The following CYRIB variants were observed in gnomAD, a reference collection of about 807,000 sequenced individuals.
The protein encoded by CYRIB is CYFIP related Rac1 interactor B.
Under a neutral mutation model 44.2 loss-of-function variants are expected in CYRIB, and 8 were observed. That is an observed-to-expected ratio of 0.18 (90% CI 0.11 to 0.33). The LOEUF (loss-of-function observed/expected upper bound fraction) is 0.33. CYRIB is among the 10% of genes least tolerant of loss of function. The pLI is 1.00. For synonymous variants in CYRIB, 131 were observed against 127.2 expected, an observed-to-expected ratio of 1.03 and a Z score of -0.20; for missense variants, 185 against 382.8, an observed-to-expected ratio of 0.48 and a Z score of 4.31.
intron 2 of CYRIB, among the ~76,000 whole-genome samples, chr8:129,897,700 G>A (rs959459508): frequency 6.6e-6 from 1 of 151,238 alleles, no homozygotes; most frequent in Non-Finnish European, 1.5e-5. Flanking sequence ...TTTGGGAGGT[G>A]GAGGTGGGAG....
intron 5 of CYRIB, 52 bp from the exon 8 acceptor site, chr8:129,855,799 T>G: frequency 1.3e-6 from 2 of 1,510,966 alleles, no homozygotes; most frequent in South Asian, 1.2e-5. Flanking sequence ...TGTGTGATAT[T>G]TGTTTATTAA....
rs2040404583 is a variant in CYRIB at position 129,846,949 on chromosome 8, A to G, written c.841-75T>C. On this transcript the variant is annotated intron_variant, in intron 10 of 11. Coordinates refer to ENST00000519824, the Ensembl canonical transcript of CYRIB. ...ACATTCCTTTTCAAAATAGTAAAATAAATCAAGACCATAACTATGGAACTC... is the reference window on the plus strand; with the variant it reads ...ACATTCCTTTTCAAAATAGTAAAATGAATCAAGACCATAACTATGGAACTC... 1.4e-5 allele frequency: 11 copies of G among 809,288 alleles called. No individual in the cohort carries two copies. In the South Asian group the frequency reaches 1.8e-4, roughly 14 times the overall value. The allele number at this position is 809,288 out of a possible 1,614,324, so 50.1% of individuals were successfully genotyped here. A position where few individuals can be genotyped will look rare whatever the true frequency, so the allele number is the denominator to read the frequency against.
intron 1 of CYRIB, among the ~76,000 whole-genome samples, chr8:130,002,120 G>T (rs532295887): frequency 6.6e-6 from 1 of 152,196 alleles, no homozygotes; most frequent in South Asian, 2.1e-4. Flanking sequence ...CTAAACTTTG[G>T]TTTTCTCTGT....
intron 2 of CYRIB, among the ~76,000 whole-genome samples, chr8:129,969,239 C>T (rs533132799): frequency 2.0e-3 from 306 of 152,272 alleles, no homozygotes; most frequent in Non-Finnish European, 3.4e-3. Context: ...GTCTGGAACT[C>T]CTGACCTCAA....
chr8:130,016,220 C>G (rs1298110344), intron 1 of CYRIB, 150 bp downstream of exon 1: 1 of 147,232 alleles, frequency 6.8e-6, no homozygotes, highest in Non-Finnish European at 1.5e-5. Context: ...CCGCAGCGCC[C>G]GGCCCGGCGG....
rs994697259 is a variant in CYRIB at position 129,991,971 on chromosome 8, A to AAAAAAAAAAAGAGAGAG, written c.-295-20977_-295-20976insCTCTCTCTTTTTTTTTT. On this transcript the variant is annotated intron_variant, in intron 1 of 14. Coordinates refer to the CYRIB transcript ENST00000401979. ...AAAAAAAAAAAAAAAAAAAAAAAAA[A>AAAAAAAAAAAGAGAGAG]ACAATAGGAAGCTATTAAGGGTTTT... 8.8e-4 allele frequency among the ~76,000 whole-genome samples: 119 copies of AAAAAAAAAAAGAGAGAG among 134,686 alleles called. 4 individuals are homozygous for AAAAAAAAAAAGAGAGAG. The highest frequency in any genetic ancestry group is 1.6e-3 in the Non-Finnish European group (96 of 61,334). 88.4% of individuals were successfully genotyped at this position (134,686 alleles called of 152,430 possible). A position where few individuals can be genotyped will look rare whatever the true frequency, so the allele number is the denominator to read the frequency against.
At chr8:129,933,453 G>T (rs1002277538) in intron 1 of CYRIB, among the ~76,000 whole-genome samples, 4 of 152,170 alleles carry the variant, frequency 2.6e-5, no homozygotes, top group African/African-American at 7.2e-5. Flanking sequence ...CTGTCAGGCA[G>T]ACACCCAGAT....
intron 1 of CYRIB, among the ~76,000 whole-genome samples, chr8:129,924,314 G>A (rs2929843): frequency 0.14 from 4,823 of 34,620 alleles, 1,137 homozygotes; most frequent in African/African-American, 0.37. Flanking sequence ...GGTGGCGGGG[G>A]GGGTGTTACT....
chr8:129,890,020 C>T (rs951629468), intron 2 of CYRIB, among the ~76,000 whole-genome samples: 23 of 152,244 alleles, frequency 1.5e-4, no homozygotes, highest in African/African-American at 5.5e-4. Context: ...GCAATCCACC[C>T]ACCTCGGACT....
At chr8:129,855,224 C>T (rs1172651970) in intron 6 of CYRIB, among the ~76,000 whole-genome samples, 1 of 152,016 alleles carries the variant, frequency 6.6e-6, no homozygotes, top group Admixed American at 6.6e-5. Context: ...AACCCCGTCT[C>T]TACTAAAAAT....
At chr8:129,939,260 G>A (rs1209414359) in intron 1 of CYRIB, among the ~76,000 whole-genome samples, 1 of 151,190 alleles carries the variant, frequency 6.6e-6, no homozygotes, top group Non-Finnish European at 1.5e-5. Context: ...GGACAACGCC[G>A]ACACGGGAAG....
At chr8:129,947,743 A>G (rs958210999) in intron 2 of CYRIB, 2 of 152,220 alleles carry the variant, frequency 1.3e-5, no homozygotes, top group African/African-American at 2.4e-5. Flanking sequence ...TTTCCTGTCT[A>G]TATCTATATA....
At chr8:129,948,141 C>G (rs986841167) in intron 2 of CYRIB, among the ~76,000 whole-genome samples, 7 of 152,200 alleles carry the variant, frequency 4.6e-5, no homozygotes, top group African/African-American at 7.2e-5. Flanking sequence ...GCCGGAAAAG[C>G]TGATGTATGA....
chr8:129,914,092 G>A (rs2079487396), intron 1 of CYRIB, among the ~76,000 whole-genome samples: 1 of 152,164 alleles, frequency 6.6e-6, no homozygotes, highest in Admixed American at 6.5e-5. Flanking sequence ...ACAGGCTGCA[G>A]AGCAGTAGCT....
intron 4 of CYRIB, among the ~76,000 whole-genome samples, chr8:129,863,604 TA>T (rs1422117593): frequency 6.6e-6 from 1 of 152,076 alleles, no homozygotes; most frequent in Non-Finnish European, 1.5e-5. Context: ...TATCCTATTC[TA>T]GATAATAACT....
chr8:129,849,103 G>T, intron 10 of CYRIB, 140 bp downstream of exon 12: 1 of 685,086 alleles, frequency 1.5e-6, no homozygotes, highest in Non-Finnish European at 2.3e-6. Context: ...AGGGACAGAG[G>T]AGATGAAAGT....
intron 4 of CYRIB, among the ~76,000 whole-genome samples, chr8:129,864,026 G>C (rs546820053): frequency 3.3e-4 from 50 of 152,308 alleles, no homozygotes; most frequent in African/African-American, 1.1e-3. Flanking sequence ...ATTCAGGAAA[G>C]CAAAATAAAA....
At chr8:129,864,898 A>G (rs1462835716) in intron 4 of CYRIB, 5 of 379,048 alleles carry the variant, frequency 1.3e-5, no homozygotes, top group Non-Finnish European at 2.6e-5. Context: ...CTGACACCCA[A>G]CAGATCACCA....
chr8:129,907,212 G>A (rs963637380), intron 1 of CYRIB, among the ~76,000 whole-genome samples: 1 of 151,834 alleles, frequency 6.6e-6, no homozygotes, highest in African/African-American at 2.4e-5. Flanking sequence ...AATGTCCAAC[G>A]ATAGACTTGA....
Sources: gnomAD v4.1 joint callset for allele counts (sites outside exome capture counted in the v4.1 genomes callset) on GRCh38, gnomAD v4.1.1 for gene constraint, MANE v1.5 for transcripts, NCBI Gene and HGNC (gene_info 2026-07-23, HGNC 2026-07-21) for gene names.